HIPK2: variants seen among roughly 807,000 people sequenced by gnomAD.
The protein encoded by HIPK2 is homeodomain-interacting protein kinase 2.
Under a neutral mutation model 113.7 loss-of-function variants are expected in HIPK2, and 27 were observed. The observed-to-expected ratio is 0.24, with a 90% CI of 0.17 to 0.33. The LOEUF is 0.33. HIPK2 is among the 10% of genes least tolerant of loss of function. The pLI is 1.00. For missense variants in HIPK2, 1,257 were observed against 1,588.0 expected (o/e 0.79, Z 3.54); for synonymous variants, 631 against 642.2 (o/e 0.98, Z 0.26).
intron 2 of HIPK2, among the ~76,000 whole-genome samples, chr7:139,712,183 CAGCCTTTGTT>C (rs1174148057): frequency 5.9e-5 from 9 of 152,238 alleles, no homozygotes; most frequent in Admixed American, 2.0e-4. Context: ...ACTTAAAAAG[CAGCCTTTGTT>C]TCCTGAAAAA....
At chr7:139,728,686 G>A (rs1795665858) in intron 1 of HIPK2, among the ~76,000 whole-genome samples, 1 of 152,158 alleles carries the variant, frequency 6.6e-6, no homozygotes, top group South Asian at 2.1e-4. Flanking sequence ...TTTGGCAGGG[G>A]GGAAACACAA....
In HIPK2 at chr7:139,716,255, G is replaced by A. The variant is rs774847921; in HGVS notation, c.780C>T (p.Phe260=). 21 of 1,614,122 alleles carry A rather than the reference G, an allele frequency of 1.3e-5. No individual in the cohort carries two copies. Among genetic ancestry groups the A allele is most frequent in the Non-Finnish European group, 1.8e-5 (21 of 1,179,974 alleles). Residue 260 remains phenylalanine (F), a synonymous_variant, in exon 2 of 15, where the codon TTC becomes TTT. Transcript: ENST00000406875. This position sits in a 1 kb window ranked among gnomAD's most constrained non-coding sequence, Gnocchi z 9.3. ...GCTGGAAGCATTCGTAGGCCCGGAC[G>A]AAGTTATAGTCATCGGCACTCTCCG... ...LSTESADDYN[F]VRAYECFQHK...
chr7:139,615,950 CTG>C (rs781431985), intron 7 of HIPK2, among the ~76,000 whole-genome samples: 8 of 102,946 alleles, frequency 7.8e-5, no homozygotes, highest in Non-Finnish European at 1.6e-4. Flanking sequence ...GCATCAGTGT[CTG>C]TGTTTTGTCA....
At chr7:139,629,153 G>A (rs144111513) in intron 4 of HIPK2, 114 bp from the exon 5 acceptor site, 2 of 808,234 alleles carry the variant, frequency 2.5e-6, no homozygotes, top group Non-Finnish European at 4.1e-6. Context: ...TTTCGGAAGA[G>A]ATTTTGATTC....
intron 2 of HIPK2, among the ~76,000 whole-genome samples, chr7:139,713,640 T>G (rs1456490643): frequency 6.6e-6 from 1 of 152,258 alleles, no homozygotes; most frequent in Non-Finnish European, 1.5e-5. Context: ...TTAATAACAC[T>G]GGTACGTGTT....
intron 2 of HIPK2, among the ~76,000 whole-genome samples, chr7:139,637,248 C>T (rs1467270853): frequency 6.6e-6 from 1 of 152,210 alleles, no homozygotes; most frequent in Non-Finnish European, 1.5e-5. Flanking sequence ...ACAGATGGCA[C>T]CCCACCCCCT....
At chr7:139,696,026 G>A (rs1015219905) in intron 2 of HIPK2, among the ~76,000 whole-genome samples, 95 of 152,310 alleles carry the variant, frequency 6.2e-4, no homozygotes, top group African/African-American at 2.1e-3. Flanking sequence ...CAATGTTTAA[G>A]ACTTCGGAGA....
chr7:139,623,517 C>CAAA, intron 6 of HIPK2, among the ~76,000 whole-genome samples: 1 of 74,066 alleles, frequency 1.4e-5, no homozygotes, highest in Admixed American at 1.6e-4. Flanking sequence ...GACTCTACTT[C>CAAA]AAAAAAAAAA....
chr7:139,578,181 TG>T (rs1321526468), intron 13 of HIPK2, among the ~76,000 whole-genome samples: 3 of 152,134 alleles, frequency 2.0e-5, no homozygotes, highest in African/African-American at 7.2e-5. Flanking sequence ...AGCTAATTTT[TG>T]TATTTTTAGT....
intron 2 of HIPK2, among the ~76,000 whole-genome samples, chr7:139,681,684 A>G (rs1167325934): frequency 6.6e-6 from 1 of 152,184 alleles, no homozygotes; most frequent in African/African-American, 2.4e-5. Context: ...AGCACATTTA[A>G]AACTCCTCAC....
At position 139,563,702 on chromosome 7, in the gene HIPK2, T is replaced by C. The variant is rs148995275; in HGVS notation, c.*9225A>G. On this transcript the variant is annotated 3_prime_UTR_variant, in exon 15 of 15. Coordinates refer to ENST00000406875, the MANE Select transcript of HIPK2 (RefSeq NM_022740.5). ...TTAGGAGGGGTGAGATGAAAACTAT[T>C]TTACAGTAACATTTCCACCAAAAGA... The C allele has an allele frequency of 1.9e-4, 74 of 397,344 alleles. 1 individual carries two copies. The highest frequency in any genetic ancestry group is 3.1e-4 in the Non-Finnish European group (71 of 225,792). The allele number at this position is 397,344 out of a possible 1,614,324, so 24.6% of individuals were successfully genotyped here.
At chr7:139,603,653 G>A (rs374143821) in intron 10 of HIPK2, among the ~76,000 whole-genome samples, 4 of 152,126 alleles carry the variant, frequency 2.6e-5, no homozygotes, top group Non-Finnish European at 5.9e-5. Context: ...GAGTACCCCC[G>A]TCTCAAACAT....
chr7:139,584,079 G>A lies in HIPK2; in HGVS notation c.2718-15C>T, dbSNP rs1569445101. The A allele has an allele frequency of 6.4e-7, 1 of 1,564,548 alleles. No individual in the cohort carries two copies. The highest frequency in any genetic ancestry group is 2.3e-5 in the East Asian group (1 of 44,428). On this transcript the variant is annotated splice_polypyrimidine_tract_variant and intron_variant, in intron 12 of 14. Transcript: ENST00000406875. The stretch of plus-strand genomic sequence containing the variant: ...TGGAGACAGTGCTGAAAATGCAAAG[G>A]GAGAAGTCAGAGGTGGGAGAAGGCC...
At chr7:139,638,128 T>G (rs1358128439) in intron 2 of HIPK2, among the ~76,000 whole-genome samples, 1 of 152,138 alleles carries the variant, frequency 6.6e-6, no homozygotes, top group Non-Finnish European at 1.5e-5. Flanking sequence ...CCTTAGCTCT[T>G]ATGTTGAAGA....
At chr7:139,750,901 G>A (rs189620062) in intron 1 of HIPK2, among the ~76,000 whole-genome samples, 8 of 152,246 alleles carry the variant, frequency 5.3e-5, no homozygotes, top group Admixed American at 6.5e-5. Context: ...TGACCGCAGC[G>A]ACCACATTTG....
intron 1 of HIPK2, among the ~76,000 whole-genome samples, chr7:139,736,645 G>A (rs1351185362): frequency 2.0e-5 from 3 of 152,196 alleles, no homozygotes; most frequent in Non-Finnish European, 4.4e-5. Context: ...TTGAAGCTGG[G>A]AGGATGCTAT....
chr7:139,768,105 C>T (rs1052952860), intron 1 of HIPK2, among the ~76,000 whole-genome samples: 8 of 152,190 alleles, frequency 5.3e-5, no homozygotes, highest in African/African-American at 1.9e-4. Context: ...TGGGAGTGGT[C>T]GCAGCTTGGA....
intron 1 of HIPK2, among the ~76,000 whole-genome samples, chr7:139,724,719 C>A (rs1357669916): frequency 7.5e-6 from 1 of 133,720 alleles, no homozygotes; most frequent in Non-Finnish European, 1.5e-5. Flanking sequence ...GTGTGATGTT[C>A]CCCTTCCTGT....
intron 6 of HIPK2, among the ~76,000 whole-genome samples, chr7:139,624,845 G>A (rs1245772650): frequency 6.6e-6 from 1 of 152,182 alleles, no homozygotes; most frequent in Non-Finnish European, 1.5e-5. Flanking sequence ...TCTTCTCTAT[G>A]CCTTCACCTG....
Sources: allele counts gnomAD v4.1 joint callset (sites outside exome capture counted in the v4.1 genomes callset), GRCh38; gene constraint gnomAD v4.1.1; non-coding constraint Gnocchi (gnomAD v3.1); transcripts MANE v1.5; gene names NCBI Gene and HGNC (gene_info 2026-07-23, HGNC 2026-07-21).